Variants in ACOT7 observed in about 807,000 individuals in gnomAD.
ACOT7 encodes cytosolic acyl coenzyme A thioester hydrolase.
In ACOT7, 12 loss-of-function variants were observed where a neutral mutation model predicts 40.2. The ratio of observed to expected loss-of-function variants is 0.30; its 90% CI spans 0.19 to 0.48. The LOEUF is 0.48. Among genes scored for constraint, ACOT7 ranks in the 20% least tolerant of loss-of-function variants. ACOT7 has a pLI of 0.99. For synonymous variants in ACOT7, 228 were observed against 219.5 expected, an observed-to-expected ratio of 1.04 and a Z score of -0.34; for missense variants, 395 against 530.8, an observed-to-expected ratio of 0.74 and a Z score of 2.51.
At chr1:6,281,000 G>C in intron 8 of ACOT7, 102 bp downstream of exon 8, 2 of 1,463,376 alleles carry the variant, frequency 1.4e-6, no homozygotes, top group Non-Finnish European at 1.8e-6. Context: ...CTACTGACAG[G>C]ACAGGACTCA....
In ACOT7 at chr1:6,305,083, C is replaced by A. The variant is rs542580385; in HGVS notation, c.713-10103G>T. On this transcript the variant is annotated intron_variant, in intron 6 of 8. Coordinates refer to ENST00000361521, the MANE Select transcript of ACOT7 (RefSeq NM_007274.4). The stretch of plus-strand genomic sequence containing the variant: ...TGGCCGGGCGGGGGGCTGACCCCCC[C>A]ACATCCCTCCCGGATGGGGCGGCTG... 2.0e-4 allele frequency among the ~76,000 whole-genome samples: 28 copies of A among 141,132 alleles called. No homozygotes were observed. The East Asian group carries it at 3.8e-3, about 19-fold the overall frequency. The allele number at this position is 141,132 out of a possible 152,430, so 92.6% of individuals were successfully genotyped here.
intron 7 of ACOT7, among the ~76,000 whole-genome samples, chr1:6,281,621 C>A (rs902508864): frequency 6.6e-6 from 1 of 152,332 alleles, no homozygotes; most frequent in East Asian, 1.9e-4. Context: ...ACGGGGGAGG[C>A]CGCAGACTGC....
At chr1:6,312,177 C>T (rs1033656298) in intron 6 of ACOT7, among the ~76,000 whole-genome samples, 9 of 152,120 alleles carry the variant, frequency 5.9e-5, no homozygotes, top group African/African-American at 2.2e-4. Flanking sequence ...GAGGGAAAGG[C>T]TCCAAAGCTA....
rs1245392929 is a variant in ACOT7, at chr1:6,359,632, G to A, written c.144-9766C>T. Among the ~76,000 whole-genome samples, 1 of 152,204 alleles carries A rather than the reference G, an allele frequency of 6.6e-6. No individual in the cohort carries two copies. The highest frequency in any genetic ancestry group is 1.5e-5 in the Non-Finnish European group (1 of 68,048). On this transcript the variant is annotated intron_variant, in intron 1 of 8. Coordinates refer to ENST00000361521, the MANE Select transcript of ACOT7 (RefSeq NM_007274.4). This position sits in a 1 kb window ranked among gnomAD's most constrained non-coding sequence, Gnocchi z 4.1. ...TTCACTCCGCCTCCCCTTCTACTGG[G>A]TGTCAGGAAGAAAGAAAGAGGCCAA...
At chr1:6,379,470 T>C (rs1406032693) in intron 1 of ACOT7, among the ~76,000 whole-genome samples, 2 of 151,778 alleles carry the variant, frequency 1.3e-5, no homozygotes, top group Non-Finnish European at 2.9e-5. Context: ...GTAACTTTTT[T>C]TTTTTGAGAC....
chr1:6,332,991 G>A (rs1433961094), intron 4 of ACOT7, among the ~76,000 whole-genome samples: 1 of 152,180 alleles, frequency 6.6e-6, no homozygotes, highest in Admixed American at 6.6e-5. Flanking sequence ...CAGCCACTGC[G>A]TCAGAAGCAG....
intron 5 of ACOT7, among the ~76,000 whole-genome samples, chr1:6,322,452 C>T (rs997284568): frequency 2.6e-5 from 4 of 152,222 alleles, no homozygotes; most frequent in Non-Finnish European, 5.9e-5. Flanking sequence ...GGAGTGTACC[C>T]GTGTGCTGGG....
chr1:6,324,148 G>C (rs1227798716), intron 5 of ACOT7, among the ~76,000 whole-genome samples: 2 of 152,072 alleles, frequency 1.3e-5, no homozygotes, highest in Non-Finnish European at 2.9e-5. Context: ...GGTCTCAGAT[G>C]AGCCCACCCC....
intron 8 of ACOT7, among the ~76,000 whole-genome samples, chr1:6,273,494 A>G: frequency 6.6e-6 from 1 of 152,194 alleles, no homozygotes; most frequent in East Asian, 1.9e-4. Context: ...TCTGAGCCTC[A>G]TGAATATTCC....
Position 6,309,780 on chromosome 1 carries a change from G to A in ACOT7, c.712+8712C>T, listed in dbSNP as rs902952771. Among the ~76,000 whole-genome samples, 4 of 152,276 alleles carry A rather than the reference G, an allele frequency of 2.6e-5. No individual in the cohort carries two copies. The East Asian group carries it at 5.8e-4, about 22-fold the overall frequency. ...AAGTGCATGATCCTATTTTGTAAAC[G>A]CTCCCCTGGATATGAGAAAAAAGCT... On this transcript the variant is annotated intron_variant, in intron 6 of 8. Coordinates refer to ENST00000361521, the MANE Select transcript of ACOT7 (RefSeq NM_007274.4).
In ACOT7 at chr1:6,356,507, G is replaced by A. The variant is rs564293212; in HGVS notation, c.144-6641C>T. Among the ~76,000 whole-genome samples, 46 of 152,216 alleles carry A rather than the reference G, an allele frequency of 3.0e-4. No homozygotes were observed. The South Asian group carries it at 9.3e-3, about 31-fold the overall frequency. ...CCCACACCTGGCCAGCCCTGGACAG[G>A]CCCCTGTGCGGTGACCTTGGCAGCA... On this transcript the variant is annotated intron_variant, in intron 1 of 8. Coordinates refer to ENST00000361521, the MANE Select transcript of ACOT7 (RefSeq NM_007274.4).
At position 6,385,020 on chromosome 1, in the gene ACOT7, C is replaced by T. The variant is rs530334933; in HGVS notation, c.143+8237G>A. ...TAAAGTTTAGGAGAAATAAAGTATG[C>T]AAAAGCCATCTGTAAGCAGCTCAAC... On this transcript the variant is annotated intron_variant, in intron 1 of 8. Transcript: ENST00000361521. 1.4e-4 allele frequency among the ~76,000 whole-genome samples: 21 copies of T among 152,104 alleles called. No individual in the cohort carries two copies. The South Asian group carries it at 2.9e-3, about 21-fold the overall frequency.
Position 6,358,682 on chromosome 1 carries a change from G to A in ACOT7, c.144-8816C>T. 3 of 791,868 alleles carry A rather than the reference G, an allele frequency of 3.8e-6. No individual in the cohort carries two copies. The highest frequency in any genetic ancestry group is 2.8e-5 in the East Asian group (1 of 35,660). 49.1% of individuals were successfully genotyped at this position (791,868 alleles called of 1,614,324 possible). A position where few individuals can be genotyped will look rare whatever the true frequency, so the allele number is the denominator to read the frequency against. The stretch of plus-strand genomic sequence containing the variant: ...AGCCAGGCCAGGTGGGTGCCCTACT[G>A]CCCTTCCTGGCTGCATGACACCAGC... On this transcript the variant is annotated intron_variant, in intron 1 of 8. Coordinates refer to ENST00000361521, the MANE Select transcript of ACOT7 (RefSeq NM_007274.4). This position sits in a 1 kb window ranked among gnomAD's most constrained non-coding sequence, Gnocchi z 4.1.
chr1:6,390,064 C>T (rs1179943555), intron 1 of ACOT7, among the ~76,000 whole-genome samples: 1 of 152,212 alleles, frequency 6.6e-6, no homozygotes, highest in African/African-American at 2.4e-5. Context: ...AAGGGCTCCC[C>T]ATCCTAGTAC....
In ACOT7 at chr1:6,352,655, G is replaced by A. The variant is rs951244020; in HGVS notation, c.144-2789C>T. ...CTCCCAGGCTGGAGTGCAGTGGCAC[G>A]ATCTTGGCTCACCGCAAGCTCCGCC... On this transcript the variant is annotated intron_variant, in intron 1 of 8. Coordinates refer to ENST00000361521, the MANE Select transcript of ACOT7 (RefSeq NM_007274.4). This position sits in a 1 kb window ranked among gnomAD's most constrained non-coding sequence, Gnocchi z 4.5. Among the ~76,000 whole-genome samples, 10 of 151,314 alleles carry A rather than the reference G, an allele frequency of 6.6e-5. No individual in the cohort carries two copies. The South Asian group carries it at 1.9e-3, about 28-fold the overall frequency.
chr1:6,272,569 C>T (rs951959824), intron 8 of ACOT7, among the ~76,000 whole-genome samples: 2 of 152,206 alleles, frequency 1.3e-5, no homozygotes, highest in African/African-American at 2.4e-5. Flanking sequence ...TTTCTACCAC[C>T]GTGTGGGGCA....
chr1:6,348,410 T>C (rs930360733), intron 2 of ACOT7, among the ~76,000 whole-genome samples: 1 of 152,106 alleles, frequency 6.6e-6, no homozygotes, highest in African/African-American at 2.4e-5. Flanking sequence ...TGTTCCAGGC[T>C]GAATGCATGT....
At chr1:6,345,858 G>A (rs183820003) in intron 2 of ACOT7, among the ~76,000 whole-genome samples, 74 of 152,326 alleles carry the variant, frequency 4.9e-4, no homozygotes, top group African/African-American at 1.2e-3. Flanking sequence ...CAGCGTGGCC[G>A]CGGGCTCATC....
chr1:6,350,012 G>A, intron 1 of ACOT7, 146 bp from the exon 2 acceptor site: 4 of 794,166 alleles, frequency 5.0e-6, no homozygotes, highest in Non-Finnish European at 8.1e-6. Flanking sequence ...CTCTTCCTAG[G>A]TGGTGTGTTC....
Sources: allele counts gnomAD v4.1 joint callset (sites outside exome capture counted in the v4.1 genomes callset), GRCh38; gene constraint gnomAD v4.1.1; non-coding constraint Gnocchi (gnomAD v3.1); transcripts MANE v1.5; gene names NCBI Gene and HGNC (gene_info 2026-07-23, HGNC 2026-07-21).